OR8B2: variants seen among roughly 807,000 people sequenced by gnomAD.
OR8B2 encodes olfactory receptor family 8 subfamily B member 2, also known as olfactory receptor 8B2.
For missense variants in OR8B2, 304 were observed against 379.6 expected (o/e 0.80, Z 1.65); for synonymous variants, 98 against 138.2 (o/e 0.71, Z 2.04).
At chr11:124,383,529 CTT>C (rs1382391651) in intron 1 of OR8B2, among the ~76,000 whole-genome samples, 169 bp from the exon 2 acceptor site, 1 of 152,244 alleles carries the variant, frequency 6.6e-6, no homozygotes, top group Non-Finnish European at 1.5e-5. Context: ...CAGTCAGTGT[CTT>C]TTGTCTGTAC....
At chr11:124,390,671 A>G in the OR8B2 span, among the ~76,000 whole-genome samples, 1 of 152,156 alleles carries the variant, frequency 6.6e-6, no homozygotes, top group Non-Finnish European at 1.5e-5. Flanking sequence ...ACTTTATTGA[A>G]TATATAGTTA....
At position 124,383,123 on chromosome 11, in the gene OR8B2, G is replaced by C. The variant is rs1322991644; in HGVS notation, c.221C>G (p.Ser74Cys). 1 of 1,613,774 alleles carries C rather than the reference G, an allele frequency of 6.2e-7. No homozygotes were observed. Among genetic ancestry groups the C allele is most frequent in the Non-Finnish European group, 8.5e-7 (1 of 1,179,834 alleles). Reference sequence around the variant, plus strand: ...TAGCATTTTGGGAGTGAAAACAGAGGAGTAACAGAGATCAATGAAGGAGAG... The same window carrying C: ...TAGCATTTTGGGAGTGAAAACAGAGCAGTAACAGAGATCAATGAAGGAGAG... ...FNLSFIDLCY[S>C]SVFTPKMLMN... Residue 74 changes from serine to cysteine, a missense_variant, in exon 2 of 2, where the codon TCC becomes TGC. Ser to Cys is a moderately radical substitution (Grantham distance 112). Transcript: ENST00000641451.
At chr11:124,394,040 A>G in the OR8B2 span, among the ~76,000 whole-genome samples, 1 of 142,784 alleles carries the variant, frequency 7.0e-6, no homozygotes, top group Non-Finnish European at 1.5e-5. Flanking sequence ...TCACTGATAG[A>G]TGGCAATTGA....
rs561714990 is a variant in OR8B2 at position 124,382,828 on chromosome 11, A to G, written c.516T>C (p.Asn172=). The G allele has an allele frequency of 1.9e-5, 30 of 1,604,138 alleles. No individual in the cohort carries two copies. The highest frequency in any genetic ancestry group is 2.1e-5 in the Non-Finnish European group (25 of 1,171,972). ...CMLRLTFCSA[N]IINHYLCDIL... is the part of the protein sequence containing the mutation. ...TGTCACACAAGTAATGGTTGATGAT[A>G]TTAGCACTGCAGAAGGTGAGTCTAA... Residue 172 remains asparagine (N), a synonymous_variant, in exon 2 of 2, where the codon AAT becomes AAC. Coordinates refer to ENST00000641451, the MANE Select transcript of OR8B2 (RefSeq NM_001005468.2).
At chr11:124,396,569 T>C in the OR8B2 span, 1 of 1,613,496 alleles carries the variant, frequency 6.2e-7, no homozygotes, top group Non-Finnish European at 8.5e-7. Flanking sequence ...CAGAAGAATA[T>C]TTAATATACA....
Position 124,382,507 on chromosome 11 carries a change from A to G in OR8B2, c.837T>C (p.Asn279=), listed in dbSNP as rs1860608553. The G allele has an allele frequency of 1.9e-6, 3 of 1,614,014 alleles. No homozygotes were observed. Among genetic ancestry groups the G allele is most frequent in the Middle Eastern group, 1.6e-4 (1 of 6,062 alleles). The change falls in exon 2 of 2, where the codon AAT becomes AAC. Residue 279 remains asparagine, a synonymous_variant. Coordinates refer to ENST00000641451, the MANE Select transcript of OR8B2 (RefSeq NM_001005468.2). ...TGAGGGGATTGAGCATGGGCACCAC[A>G]TTAGTGTAGAAAACAGAAGAAACTT... ...QGKVSSVFYT[N]VVPMLNPLIY... is the part of the protein sequence containing the mutation.
At chr11:124,384,622 C>G (rs1389669830), upstream of OR8B2, among the ~76,000 whole-genome samples, 1 of 152,148 alleles carries the variant, frequency 6.6e-6, no homozygotes, top group African/African-American at 2.4e-5. Context: ...AGACTTCACA[C>G]CAGACCCACC....
At chr11:124,387,078 A>C (rs1227049160), upstream of OR8B2, among the ~76,000 whole-genome samples, 2 of 152,118 alleles carry the variant, frequency 1.3e-5, no homozygotes, top group South Asian at 2.1e-4. Flanking sequence ...GTCTGTTCAT[A>C]TCCTTTGCCC....
At chr11:124,384,646 T>C (rs908569149), upstream of OR8B2, among the ~76,000 whole-genome samples, 15 of 151,992 alleles carry the variant, frequency 9.9e-5, no homozygotes, top group African/African-American at 3.6e-4. Context: ...TCCACCGTCA[T>C]AGAGACATGG....
chr11:124,383,838 A>G (rs949290030), intron 1 of OR8B2, among the ~76,000 whole-genome samples: 3 of 152,186 alleles, frequency 2.0e-5, no homozygotes, highest in African/African-American at 4.8e-5. Flanking sequence ...ACCTTACTAT[A>G]AGAATCCATG....
chr11:124,384,631 C>T (rs1860663953), upstream of OR8B2, among the ~76,000 whole-genome samples: 1 of 152,154 alleles, frequency 6.6e-6, no homozygotes, highest in African/African-American at 2.4e-5. Flanking sequence ...ACCAGACCCA[C>T]CATGTCCACC....
chr11:124,388,567 A>G (rs1036060601), upstream of OR8B2, among the ~76,000 whole-genome samples: 1 of 152,196 alleles, frequency 6.6e-6, no homozygotes, highest in African/African-American at 2.4e-5. Flanking sequence ...TCAAGCTCCC[A>G]GGACTTGACC....
the OR8B2 span, among the ~76,000 whole-genome samples, chr11:124,394,947 A>C: frequency 1.3e-5 from 2 of 152,280 alleles, no homozygotes; most frequent in East Asian, 3.9e-4. Flanking sequence ...CACACCTGTA[A>C]TCCCAGCACT....
At chr11:124,394,298 C>T in the OR8B2 span, among the ~76,000 whole-genome samples, 3 of 142,918 alleles carry the variant, frequency 2.1e-5, no homozygotes, top group Non-Finnish European at 4.5e-5. Context: ...TAAATAAAAT[C>T]AGCTAATATA....
At chr11:124,384,547 G>C (rs1367523777), upstream of OR8B2, 2 of 152,148 alleles carry the variant, frequency 1.3e-5, no homozygotes, top group African/African-American at 4.8e-5. Context: ...TGAATGTTCT[G>C]GGAATCATTC....
At chr11:124,394,435 C>T in the OR8B2 span, among the ~76,000 whole-genome samples, 15 of 152,184 alleles carry the variant, frequency 9.9e-5, 1 homozygote, top group East Asian at 2.9e-3. Flanking sequence ...ATGAAGGCCT[C>T]AGACCAGGAT....
At position 124,382,398 on chromosome 11, in the gene OR8B2, C is replaced by T; in HGVS notation, c.*4G>A. 5 of 1,587,538 alleles carry T rather than the reference C, an allele frequency of 3.1e-6. No homozygotes were observed. The highest frequency in any genetic ancestry group is 4.3e-6 in the Non-Finnish European group (5 of 1,170,724). ...CAATTGTTTTACATCATTACTGCTT[C>T]TAATTAGAATATATTTCTCCTCTGA... On this transcript the variant is annotated 3_prime_UTR_variant, in exon 2 of 2. Coordinates refer to ENST00000641451, the MANE Select transcript of OR8B2 (RefSeq NM_001005468.2).
chr11:124,391,413 TA>T, the OR8B2 span, among the ~76,000 whole-genome samples: 7 of 150,728 alleles, frequency 4.6e-5, no homozygotes, highest in South Asian at 2.1e-4. Context: ...ATAGATGCAA[TA>T]AAAAATGATA....
the OR8B2 span, chr11:124,395,558 G>T: frequency 6.6e-6 from 1 of 152,072 alleles, no homozygotes. Context: ...AAATATTTCT[G>T]CTAACTTAAT....
Sources: gnomAD v4.1 joint callset for allele counts (sites outside exome capture counted in the v4.1 genomes callset) on GRCh38, gnomAD v4.1.1 for gene constraint, MANE v1.5 for transcripts, NCBI Gene and HGNC (gene_info 2026-07-23, HGNC 2026-07-21) for gene names.